The following SENP7 variants were observed in gnomAD, a reference collection of about 807,000 sequenced individuals.
SENP7 encodes the protein sentrin-specific protease 7.
Under a neutral mutation model 141.2 loss-of-function variants are expected in SENP7, and 64 were observed. The observed-to-expected ratio is 0.45, with a 90% CI of 0.37 to 0.56. The LOEUF (loss-of-function observed/expected upper bound fraction) is 0.56, where lower values mean the gene tolerates loss of function less well. Ranked by LOEUF, SENP7 falls within the 20% of genes least tolerant of loss-of-function variation. The pLI is 0.00. For synonymous variants in SENP7, 382 were observed against 426.4 expected, an observed-to-expected ratio of 0.90 and a Z score of 1.28; for missense variants, 1,025 against 1,212.2, an observed-to-expected ratio of 0.85 and a Z score of 2.29.
chr3:101,431,224 C>T (rs1343685160), intron 4 of SENP7, among the ~76,000 whole-genome samples: 1 of 152,078 alleles, frequency 6.6e-6, no homozygotes, highest in African/African-American at 2.4e-5. Context: ...AGTTCAAGTC[C>T]TGGATATCCT....
rs2059915094 is a variant in SENP7 at position 101,362,007 on chromosome 3, T to G, written c.1477-146A>C. ...ACTGTTCTTACTGTGAAGAAATAGC[T>G]ATCTAGATTTTTTTTCTGAAAAAAT... On this transcript the variant is annotated intron_variant, in intron 10 of 23. Transcript: ENST00000394095. 5 of 884,700 alleles carry G rather than the reference T, an allele frequency of 5.7e-6. No individual in the cohort carries two copies. In the South Asian group the frequency reaches 1.4e-4, roughly 25 times the overall value. 54.8% of individuals were successfully genotyped at this position (884,700 alleles called of 1,614,324 possible). A position where few individuals can be genotyped will look rare whatever the true frequency, so the allele number is the denominator to read the frequency against.
chr3:101,370,154 A>G (rs1393644348), intron 7 of SENP7, among the ~76,000 whole-genome samples: 1 of 152,176 alleles, frequency 6.6e-6, no homozygotes, highest in Non-Finnish European at 1.5e-5. Context: ...GATACTGAAA[A>G]ACTAAAAAAT....
chr3:101,332,469 A>AT (rs1402633775), intron 18 of SENP7, among the ~76,000 whole-genome samples: 2 of 151,918 alleles, frequency 1.3e-5, no homozygotes, highest in Non-Finnish European at 2.9e-5. Flanking sequence ...AAATATTTTT[A>AT]TTTTTTTATT....
At chr3:101,499,697 C>T (rs950452390) in intron 2 of SENP7, among the ~76,000 whole-genome samples, 2 of 151,962 alleles carry the variant, frequency 1.3e-5, no homozygotes, top group African/African-American at 2.4e-5. Context: ...CACCACACCC[C>T]GCTAATTTTT....
At chr3:101,333,150 T>A (rs2059098588) in intron 17 of SENP7, 2 of 337,230 alleles carry the variant, frequency 5.9e-6, no homozygotes, top group East Asian at 9.8e-5. Flanking sequence ...CACAGTTAAA[T>A]CTACTTATTT....
chr3:101,415,087 C>T (rs201066881), intron 5 of SENP7, among the ~76,000 whole-genome samples: 14,671 of 117,926 alleles, frequency 0.12, no homozygotes, highest in East Asian at 0.16. Flanking sequence ...GAAACAAAAT[C>T]CATGAGGTCA....
intron 4 of SENP7, among the ~76,000 whole-genome samples, chr3:101,434,322 C>CA (rs1195298900): frequency 8.1e-5 from 12 of 147,916 alleles, no homozygotes; most frequent in African/African-American, 2.2e-4. Context: ...ATGCATACAT[C>CA]AAAAAAAAGA....
intron 3 of SENP7, among the ~76,000 whole-genome samples, chr3:101,461,162 A>T (rs1217903748): frequency 6.6e-6 from 1 of 152,188 alleles, no homozygotes; most frequent in Non-Finnish European, 1.5e-5. Flanking sequence ...ACCATAAAAC[A>T]TTGATGAAAG....
intron 3 of SENP7, among the ~76,000 whole-genome samples, chr3:101,487,144 GA>G (rs2064762896): frequency 6.6e-6 from 1 of 152,012 alleles, no homozygotes; most frequent in Non-Finnish European, 1.5e-5. Flanking sequence ...CCTAAGAAAT[GA>G]AATAGACAGC....
intron 3 of SENP7, among the ~76,000 whole-genome samples, chr3:101,459,486 A>T (rs1326943561): frequency 6.6e-6 from 1 of 152,200 alleles, no homozygotes; most frequent in Non-Finnish European, 1.5e-5. Flanking sequence ...CACCTTATTG[A>T]CAGAGTTTAG....
intron 3 of SENP7, among the ~76,000 whole-genome samples, chr3:101,485,049 C>A (rs764814398): frequency 6.6e-6 from 1 of 151,886 alleles, no homozygotes; most frequent in Non-Finnish European, 1.5e-5. Context: ...TCCTAGGTAC[C>A]CAACTCCAAT....
At chr3:101,451,043 G>T (rs4264710) in intron 4 of SENP7, among the ~76,000 whole-genome samples, 18 of 152,016 alleles carry the variant, frequency 1.2e-4, no homozygotes, top group African/African-American at 4.1e-4. Flanking sequence ...TATCACCACC[G>T]GTCCCACAGA....
At chr3:101,331,502 A>G (rs369757027) in intron 19 of SENP7, among the ~76,000 whole-genome samples, 1 of 151,172 alleles carries the variant, frequency 6.6e-6, no homozygotes, top group Non-Finnish European at 1.5e-5. Context: ...TGTACATAGT[A>G]AATACATGCA....
At chr3:101,339,331 G>C (rs1388477967) in intron 16 of SENP7, among the ~76,000 whole-genome samples, 3 of 152,168 alleles carry the variant, frequency 2.0e-5, no homozygotes, top group Non-Finnish European at 4.4e-5. Flanking sequence ...TCTAGGTCTA[G>C]AGATACAGTA....
intron 6 of SENP7, among the ~76,000 whole-genome samples, chr3:101,392,016 T>C (rs939058803): frequency 6.6e-6 from 1 of 152,108 alleles, no homozygotes; most frequent in African/African-American, 2.4e-5. Flanking sequence ...TAATATTCAA[T>C]ATCCCCCCAT....
At chr3:101,381,526 T>C (rs2060501697) in intron 6 of SENP7, among the ~76,000 whole-genome samples, 1 of 152,090 alleles carries the variant, frequency 6.6e-6, no homozygotes, top group South Asian at 2.1e-4. Flanking sequence ...ATCAATTTCA[T>C]ACTTTTCTAT....
chr3:101,510,931 T>C lies in SENP7; in HGVS notation c.40+2160A>G, dbSNP rs541624047. The stretch of plus-strand genomic sequence containing the variant: ...ATGGCAACTGCATGCCTACAACCAC[T>C]ACACGGAATCTTTCAACCAGCCAAT... On this transcript the variant is annotated intron_variant, in intron 1 of 23. Transcript: ENST00000394095. Among the ~76,000 whole-genome samples, 87 of 148,964 alleles carry C rather than the reference T, an allele frequency of 5.8e-4. 1 individual carries two copies. The highest frequency in any genetic ancestry group is 2.0e-3 in the Admixed American group (30 of 14,866).
intron 2 of SENP7, among the ~76,000 whole-genome samples, chr3:101,499,393 GA>G (rs1284531405): frequency 6.6e-6 from 1 of 152,140 alleles, no homozygotes; most frequent in Non-Finnish European, 1.5e-5. Context: ...GCGGGGGACA[GA>G]GTCTCGCTCT....
intron 19 of SENP7, 121 bp from the exon 20 acceptor site, chr3:101,330,507 A>G: frequency 1.9e-6 from 1 of 530,240 alleles, no homozygotes; most frequent in Non-Finnish European, 3.3e-6. Flanking sequence ...AATACTTGAG[A>G]TTTAATTTTT....
Sources: allele counts gnomAD v4.1 joint callset (sites outside exome capture counted in the v4.1 genomes callset), GRCh38; gene constraint gnomAD v4.1.1; transcripts MANE v1.5; gene names NCBI Gene and HGNC (gene_info 2026-07-23, HGNC 2026-07-21).